The following ADAMTSL1 variants were observed in gnomAD, a reference collection of about 807,000 sequenced individuals.
ADAMTSL1 encodes ADAMTS-like protein 1.
Under a neutral mutation model 201.8 loss-of-function variants are expected in ADAMTSL1, and 126 were observed. That is an observed-to-expected ratio of 0.62 (90% confidence interval 0.54 to 0.72). ADAMTSL1 has a LOEUF of 0.72. Ranked by LOEUF, ADAMTSL1 falls within the 30% of genes least tolerant of loss-of-function variation. The probability of loss-of-function intolerance (pLI) is 0.00; values close to 1 mark genes in which losing one functional copy is unlikely to be tolerated. For synonymous variants in ADAMTSL1, 1,121 were observed against 903.4 expected (o/e 1.24, Z -4.32); for missense variants, 2,679 against 2,277.8 (o/e 1.18, Z -3.59).
intron 2 of ADAMTSL1, among the ~76,000 whole-genome samples, chr9:18,213,600 G>T (rs1829958765): frequency 6.6e-6 from 1 of 152,174 alleles, no homozygotes; most frequent in Non-Finnish European, 1.5e-5. Flanking sequence ...AAATGAGGAC[G>T]TTCTGTGCTG....
In ADAMTSL1 at chr9:18,617,687, A is replaced by G. The variant is rs551018352; in HGVS notation, c.475-4556A>G. Among the ~76,000 whole-genome samples, 8 of 152,308 alleles carry G rather than the reference A, an allele frequency of 5.3e-5. No homozygotes were observed. In the South Asian group the frequency reaches 1.5e-3, roughly 28 times the overall value. ...ACAAAAAGCATACATTTAAGATATG[A>G]AAGCAGAAATTGATAACCCACTAGT... On this transcript the variant is annotated intron_variant, in intron 4 of 28. Coordinates refer to ENST00000380548, the MANE Select transcript of ADAMTSL1 (RefSeq NM_001040272.6).
intron 2 of ADAMTSL1, among the ~76,000 whole-genome samples, chr9:18,434,894 AT>A (rs1819656273): frequency 6.6e-6 from 1 of 152,176 alleles, no homozygotes; most frequent in Admixed American, 6.5e-5. Flanking sequence ...CATGTATGTG[AT>A]TCTTCGACTG....
At chr9:18,738,575 C>T (rs1818647936) in intron 15 of ADAMTSL1, among the ~76,000 whole-genome samples, 1 of 152,092 alleles carries the variant, frequency 6.6e-6, no homozygotes, top group Non-Finnish European at 1.5e-5. Flanking sequence ...TCTGTGTAAT[C>T]CAATGTTCTT....
chr9:18,540,894 C>T (rs1382927903), intron 3 of ADAMTSL1, among the ~76,000 whole-genome samples: 1 of 152,146 alleles, frequency 6.6e-6, no homozygotes, highest in Non-Finnish European at 1.5e-5. Context: ...TAGAGAGGGC[C>T]TCCAAGAACC....
intron 2 of ADAMTSL1, among the ~76,000 whole-genome samples, chr9:18,383,070 G>T (rs1440551490): frequency 6.6e-6 from 1 of 152,080 alleles, no homozygotes; most frequent in Non-Finnish European, 1.5e-5. Flanking sequence ...ATCCATTTCT[G>T]GCCCAACCAT....
chr9:18,851,516 G>A (rs1354109883), intron 23 of ADAMTSL1, among the ~76,000 whole-genome samples: 1 of 152,144 alleles, frequency 6.6e-6, no homozygotes, highest in Non-Finnish European at 1.5e-5. Flanking sequence ...GAGCAGAAGT[G>A]AAAGTTTCTT....
chr9:18,193,221 C>T (rs1829041411), intron 2 of ADAMTSL1, among the ~76,000 whole-genome samples: 1 of 152,150 alleles, frequency 6.6e-6, no homozygotes, highest in African/African-American at 2.4e-5. Flanking sequence ...ACAGGTGTGT[C>T]AAGTCACTAT....
intron 1 of ADAMTSL1, among the ~76,000 whole-genome samples, chr9:18,048,284 C>T (rs1821762298): frequency 6.6e-6 from 1 of 151,988 alleles, no homozygotes; most frequent in Non-Finnish European, 1.5e-5. Context: ...GCTTATGTTT[C>T]CTTTATATGA....
chr9:18,217,425 T>C (rs528107321), intron 2 of ADAMTSL1, among the ~76,000 whole-genome samples: 30 of 152,212 alleles, frequency 2.0e-4, no homozygotes, highest in African/African-American at 7.2e-4. Context: ...CTCCCCAGCT[T>C]TATTCCTCCC....
intron 1 of ADAMTSL1, among the ~76,000 whole-genome samples, chr9:18,052,602 T>C (rs1310795671): frequency 6.6e-6 from 1 of 152,188 alleles, no homozygotes; most frequent in Non-Finnish European, 1.5e-5. Context: ...GTAGCCTCAG[T>C]TGAAATGTGA....
intron 2 of ADAMTSL1, among the ~76,000 whole-genome samples, chr9:18,515,613 G>A (rs1818321337): frequency 6.6e-6 from 1 of 152,136 alleles, no homozygotes; most frequent in Non-Finnish European, 1.5e-5. Context: ...GGGATTACAG[G>A]GATGAGCTAC....
At chr9:18,476,355 A>G (rs1400538671) in intron 1 of ADAMTSL1, among the ~76,000 whole-genome samples, 3 of 152,154 alleles carry the variant, frequency 2.0e-5, no homozygotes, top group African/African-American at 7.2e-5. Flanking sequence ...GAGAGAATAG[A>G]ACATGTTTGC....
intron 1 of ADAMTSL1, among the ~76,000 whole-genome samples, chr9:18,054,245 A>G (rs943909651): frequency 6.6e-6 from 1 of 152,234 alleles, no homozygotes; most frequent in African/African-American, 2.4e-5. Context: ...AAAAGCCCAA[A>G]GAATAAATTT....
intron 4 of ADAMTSL1, among the ~76,000 whole-genome samples, chr9:18,588,801 G>T (rs1712928557): frequency 6.9e-6 from 1 of 145,282 alleles, no homozygotes; most frequent in Non-Finnish European, 1.5e-5. Flanking sequence ...TCTCTATTCT[G>T]TTCCATTGGT....
chr9:18,242,514 C>T (rs979802374), intron 2 of ADAMTSL1, among the ~76,000 whole-genome samples: 10 of 151,914 alleles, frequency 6.6e-5, no homozygotes, highest in African/African-American at 1.5e-4. Flanking sequence ...TAGCAAGAAC[C>T]ATGTGACAAG....
In ADAMTSL1 at chr9:18,011,611, C is replaced by A. The variant is rs73418861; in HGVS notation, c.87+104689C>A. ...GATGGCACTTGAGCCTGCCACAGTC[C>A]AGGACCCAGCCGTAGCTGTCAAATA... On this transcript the variant is annotated intron_variant, in intron 1 of 29. Coordinates refer to the ADAMTSL1 transcript ENST00000680146. Among the ~76,000 whole-genome samples the A allele has an allele frequency of 4.3e-3, 656 of 152,130 alleles. 4 individuals are homozygous for A. Among genetic ancestry groups the A allele is most frequent in the African/African-American group, 0.015 (612 of 41,554 alleles).
chr9:18,734,385 A>G (rs957157041), intron 15 of ADAMTSL1, among the ~76,000 whole-genome samples: 6 of 152,160 alleles, frequency 3.9e-5, no homozygotes, highest in African/African-American at 1.4e-4. Flanking sequence ...CCCAGTCTAG[A>G]CCAAGAATGC....
chr9:18,401,200 C>G (rs754320098), intron 2 of ADAMTSL1, among the ~76,000 whole-genome samples: 1 of 152,202 alleles, frequency 6.6e-6, no homozygotes, highest in Non-Finnish European at 1.5e-5. Flanking sequence ...GGCCTTGGAA[C>G]GCATGCCCTT....
At chr9:18,115,928 A>G (rs1319339914) in intron 1 of ADAMTSL1, among the ~76,000 whole-genome samples, 9 of 152,188 alleles carry the variant, frequency 5.9e-5, no homozygotes, top group African/African-American at 1.9e-4. Flanking sequence ...TGTCTCTAAC[A>G]GTACTCAGAA....
Sources: gnomAD v4.1 joint callset for allele counts (sites outside exome capture counted in the v4.1 genomes callset) on GRCh38, gnomAD v4.1.1 for gene constraint, MANE v1.5 for transcripts, NCBI Gene and HGNC (gene_info 2026-07-23, HGNC 2026-07-21) for gene names.